DNAAF11: variants seen among roughly 807,000 people sequenced by gnomAD.
The protein encoded by DNAAF11 is leucine rich repeat containing 6.
DNAAF11 carries 45 observed loss-of-function variants against 60.8 expected under a neutral mutation model. The ratio of observed to expected loss-of-function variants is 0.74; its 90% CI spans 0.58 to 0.95. DNAAF11 has a LOEUF of 0.95. Among genes scored for constraint, DNAAF11 ranks in the 40% least tolerant of loss-of-function variants. The pLI, the probability that DNAAF11 is intolerant of heterozygous loss-of-function variation, is 0.00. For missense variants in DNAAF11, 546 were observed against 546.2 expected (o/e 1.00, Z 0.00); for synonymous variants, 191 against 183.5 (o/e 1.04, Z -0.33).
rs1335921738 is a variant in DNAAF11, at chr8:132,581,560, G to T, written c.1226+2134C>A. Among the ~76,000 whole-genome samples, 3 of 150,096 alleles carry T rather than the reference G, an allele frequency of 2.0e-5. No individual in the cohort carries two copies. In the East Asian group the frequency reaches 6.0e-4, roughly 30 times the overall value. On this transcript the variant is annotated intron_variant, in intron 11 of 11. Transcript: ENST00000620350. ...AGCTACTCGGGAGGCTGAGGCTGGA[G>T]AATCGCTTGAATCCAGGAGGCAGAG...
intron 10 of DNAAF11, among the ~76,000 whole-genome samples, chr8:132,606,493 G>A (rs552231954): frequency 4.5e-4 from 69 of 151,966 alleles, no homozygotes; most frequent in Middle Eastern, 6.8e-3. Context: ...TTTATTTTTC[G>A]AGACAGGGTC....
chr8:132,625,122 C>G (rs984247341), intron 6 of DNAAF11, 150 bp downstream of exon 6: 1 of 526,746 alleles, frequency 1.9e-6, no homozygotes, highest in African/African-American at 1.9e-5. Flanking sequence ...TTAGCCAATA[C>G]AATTCAACAA....
At chr8:132,653,422 A>G (rs1442671004) in intron 3 of DNAAF11, among the ~76,000 whole-genome samples, 2 of 152,150 alleles carry the variant, frequency 1.3e-5, no homozygotes, top group South Asian at 2.1e-4. Context: ...AAAAGACACT[A>G]GGGAGAAACT....
At chr8:132,670,787 G>A (rs1178138311) in intron 1 of DNAAF11, among the ~76,000 whole-genome samples, 1 of 152,138 alleles carries the variant, frequency 6.6e-6, no homozygotes, top group Non-Finnish European at 1.5e-5. Flanking sequence ...GTTATCCAAT[G>A]TATACGAGGT....
intron 10 of DNAAF11, among the ~76,000 whole-genome samples, chr8:132,592,842 G>A (rs2095549499): frequency 6.6e-6 from 1 of 152,054 alleles, no homozygotes; most frequent in African/African-American, 2.4e-5. Context: ...AAGATAGAGG[G>A]AGATGACAAA....
intron 5 of DNAAF11, among the ~76,000 whole-genome samples, chr8:132,625,872 G>C (rs532199179): frequency 6.6e-6 from 1 of 152,220 alleles, no homozygotes; most frequent in South Asian, 2.1e-4. Flanking sequence ...TATTTTGCAG[G>C]AGATTCTGAT....
intron 10 of DNAAF11, among the ~76,000 whole-genome samples, chr8:132,596,287 A>T (rs1334310453): frequency 6.6e-6 from 1 of 152,182 alleles, no homozygotes; most frequent in Non-Finnish European, 1.5e-5. Context: ...ATGTATATGT[A>T]AAATCAACAC....
chr8:132,596,468 G>A (rs1483085218), intron 10 of DNAAF11, among the ~76,000 whole-genome samples: 1 of 151,978 alleles, frequency 6.6e-6, no homozygotes, highest in Admixed American at 6.6e-5. Context: ...TATTAAGTTA[G>A]GACAAACATT....
At chr8:132,649,829 A>C (rs1360267366) in intron 3 of DNAAF11, among the ~76,000 whole-genome samples, 8 of 152,190 alleles carry the variant, frequency 5.3e-5, no homozygotes, top group African/African-American at 1.2e-4. Flanking sequence ...TACCATCTCA[A>C]ACCAGTTAGA....
intron 4 of DNAAF11, among the ~76,000 whole-genome samples, chr8:132,634,252 A>T (rs925726582): frequency 2.0e-5 from 3 of 152,208 alleles, no homozygotes; most frequent in Non-Finnish European, 4.4e-5. Context: ...GAAAAACATA[A>T]CTAGTTACAC....
the DNAAF11 span, among the ~76,000 whole-genome samples, chr8:132,686,829 G>A: frequency 3.9e-5 from 6 of 152,184 alleles, no homozygotes; most frequent in Non-Finnish European, 5.9e-5. Context: ...ATTTGAAGGT[G>A]TGTAAATAAA....
intron 1 of DNAAF11, among the ~76,000 whole-genome samples, chr8:132,664,258 T>C (rs1039523692): frequency 3.3e-5 from 5 of 152,196 alleles, no homozygotes; most frequent in Non-Finnish European, 5.9e-5. Context: ...GGACTTCTGA[T>C]AGAATCTTAA....
intron 7 of DNAAF11, among the ~76,000 whole-genome samples, chr8:132,619,175 A>T (rs1277606173): frequency 6.6e-6 from 1 of 152,202 alleles, no homozygotes; most frequent in African/African-American, 2.4e-5. Flanking sequence ...GGAAATCATC[A>T]TTCTCAGTAA....
chr8:132,585,977 C>A (rs1177959449), intron 10 of DNAAF11, among the ~76,000 whole-genome samples: 2 of 152,084 alleles, frequency 1.3e-5, no homozygotes, highest in Non-Finnish European at 2.9e-5. Context: ...CTGGCCTTCC[C>A]TTAAGGGAAT....
At chr8:132,620,435 A>C (rs1448278886) in intron 7 of DNAAF11, among the ~76,000 whole-genome samples, 1 of 152,136 alleles carries the variant, frequency 6.6e-6, no homozygotes, top group Non-Finnish European at 1.5e-5. Flanking sequence ...CCCAGGTTCA[A>C]GCGATTCTCG....
chr8:132,643,601 G>A, intron 3 of DNAAF11: 1 of 455,976 alleles, frequency 2.2e-6, no homozygotes, highest in Non-Finnish European at 4.4e-6. Flanking sequence ...TACACGGAGG[G>A]TGGGTAGGAG....
intron 6 of DNAAF11, among the ~76,000 whole-genome samples, chr8:132,624,401 G>A (rs1820051741): frequency 6.6e-6 from 1 of 152,126 alleles, no homozygotes; most frequent in Non-Finnish European, 1.5e-5. Context: ...TCTTCCCAAA[G>A]GACTGTGTAG....
At chr8:132,667,368 G>C (rs933634135) in intron 1 of DNAAF11, among the ~76,000 whole-genome samples, 1 of 152,046 alleles carries the variant, frequency 6.6e-6, no homozygotes, top group Non-Finnish European at 1.5e-5. Flanking sequence ...ACAGTGCCTG[G>C]TATACAGTCA....
intron 8 of DNAAF11, among the ~76,000 whole-genome samples, chr8:132,611,756 C>T (rs1490794079): frequency 2.0e-5 from 3 of 152,094 alleles, no homozygotes; most frequent in South Asian, 2.1e-4. Flanking sequence ...GCTTCCTTGG[C>T]GGCTCTGGAT....
Sources: gnomAD v4.1 joint callset for allele counts (sites outside exome capture counted in the v4.1 genomes callset) on GRCh38, gnomAD v4.1.1 for gene constraint, MANE v1.5 for transcripts, NCBI Gene and HGNC (gene_info 2026-07-23, HGNC 2026-07-21) for gene names.